ST18: variants seen among roughly 807,000 people sequenced by gnomAD.
ST18 encodes the protein ST18 C2H2C-type zinc finger transcription factor, also known as suppression of tumorigenicity 18 protein.
Under a neutral mutation model 110.0 loss-of-function variants are expected in ST18, and 50 were observed. The observed-to-expected ratio is 0.45, with a 90% CI of 0.36 to 0.58. The LOEUF is 0.58. Among genes scored for constraint, ST18 ranks in the 20% least tolerant of loss-of-function variants. The pLI, the probability that ST18 is intolerant of heterozygous loss-of-function variation, is 0.00. For synonymous variants in ST18, 461 were observed against 452.4 expected, an observed-to-expected ratio of 1.02 and a Z score of -0.24; for missense variants, 1,306 against 1,280.1, an observed-to-expected ratio of 1.02 and a Z score of -0.31.
intron 8 of ST18, among the ~76,000 whole-genome samples, chr8:52,196,080 C>CA (rs1402783989): frequency 3.3e-5 from 5 of 151,914 alleles, no homozygotes; most frequent in African/African-American, 7.3e-5. Context: ...AATATGCTTG[C>CA]AAAAAAATGG....
intron 2 of ST18, among the ~76,000 whole-genome samples, chr8:52,333,784 C>T (rs1189831221): frequency 6.6e-6 from 1 of 152,194 alleles, no homozygotes; most frequent in Non-Finnish European, 1.5e-5. Context: ...AAGTATGGCT[C>T]TCTTGCTACT....
intron 2 of ST18, among the ~76,000 whole-genome samples, chr8:52,351,832 T>C (rs1032529719): frequency 6.6e-6 from 1 of 152,180 alleles, no homozygotes; most frequent in Admixed American, 6.5e-5. Flanking sequence ...CAATGAACAA[T>C]CAGTTAAAAC....
intron 2 of ST18, among the ~76,000 whole-genome samples, chr8:52,262,469 G>A (rs1028192964): frequency 5.9e-5 from 9 of 152,116 alleles, no homozygotes; most frequent in African/African-American, 1.9e-4. Context: ...TTCACAGGAC[G>A]ACCTCCAAAG....
intron 2 of ST18, among the ~76,000 whole-genome samples, chr8:52,242,670 C>T (rs1448132668): frequency 1.3e-5 from 2 of 151,988 alleles, no homozygotes; most frequent in African/African-American, 4.8e-5. Flanking sequence ...TGGCGAAAAC[C>T]CATGGTTTAG....
chr8:52,208,548 T>C lies in ST18; in HGVS notation c.86+3531A>G, dbSNP rs1038387030. ...AACTACTTAAGAAGCAACTTGGGGC[T>C]GGGCGCGGTGGCTCACGCCTGTAAT... On this transcript the variant is annotated intron_variant, in intron 8 of 25. Transcript: ENST00000689386. Among the ~76,000 whole-genome samples the C allele has an allele frequency of 1.8e-4, 28 of 152,354 alleles. No individual in the cohort carries two copies. In the South Asian group the frequency reaches 4.1e-3, roughly 23 times the overall value.
At position 52,142,936 on chromosome 8, in the gene ST18, A is replaced by G. The variant is rs753441359; in HGVS notation, c.2162T>C (p.Leu721Pro). 33 of 1,610,606 alleles carry G rather than the reference A, an allele frequency of 2.0e-5. No individual in the cohort carries two copies. The highest frequency in any genetic ancestry group is 1.6e-4 in the Middle Eastern group (1 of 6,078). ...KLHARDLKKE[L>P]ITCPTPGCDG... ...GGCATTGGGCACCACTTACGTGATTAGTTCCTTTTTGAGATCTCTTGCATG... is the reference window on the plus strand; with the variant it reads ...GGCATTGGGCACCACTTACGTGATTGGTTCCTTTTTGAGATCTCTTGCATG... Residue 721 changes from leucine (L) to proline (P), a missense_variant, in exon 17 of 26, where the codon CTA becomes CCA. By Grantham distance (98) the Leu-to-Pro change is moderately conservative. Coordinates refer to ENST00000689386, the MANE Select transcript of ST18 (RefSeq NM_001352837.2).
intron 2 of ST18, among the ~76,000 whole-genome samples, chr8:52,241,901 C>T (rs1157477468): frequency 3.3e-5 from 5 of 151,438 alleles, no homozygotes; most frequent in Non-Finnish European, 7.4e-5. Flanking sequence ...ATTAGAGGCA[C>T]AAAACTGGGG....
chr8:52,120,163 T>C (rs1015563258), intron 23 of ST18, among the ~76,000 whole-genome samples: 6 of 152,154 alleles, frequency 3.9e-5, no homozygotes, highest in African/African-American at 1.4e-4. Flanking sequence ...AGGGATCTCC[T>C]CTCAGACAAC....
chr8:52,231,972 C>T (rs568309407), intron 2 of ST18, among the ~76,000 whole-genome samples: 1 of 152,234 alleles, frequency 6.6e-6, no homozygotes, highest in South Asian at 2.1e-4. Context: ...TGGTGGGACC[C>T]GAGAATGTGC....
chr8:52,235,910 A>G (rs1440212756), intron 2 of ST18, among the ~76,000 whole-genome samples: 2 of 152,242 alleles, frequency 1.3e-5, no homozygotes, highest in Non-Finnish European at 2.9e-5. Context: ...TGACTGGCAT[A>G]TTAAAAATGT....
intron 2 of ST18, among the ~76,000 whole-genome samples, chr8:52,367,881 C>T (rs1226265689): frequency 6.6e-6 from 1 of 152,146 alleles, no homozygotes; most frequent in African/African-American, 2.4e-5. Context: ...CAAATGACTG[C>T]CTTGTTTTCT....
chr8:52,185,637 A>G (rs557143116), intron 8 of ST18, among the ~76,000 whole-genome samples: 27 of 152,276 alleles, frequency 1.8e-4, no homozygotes, highest in Non-Finnish European at 2.9e-4. Context: ...AGACCCACAC[A>G]TACACGGTCA....
rs557111271 is a variant in ST18, at chr8:52,381,977, A to C, written c.-465+27351T>G. On this transcript the variant is annotated intron_variant, in intron 2 of 25. Coordinates refer to ENST00000689386, the MANE Select transcript of ST18 (RefSeq NM_001352837.2). ...AGCTATATGCTGCATTAAAAAACAAAAAAAAACAAAAAAACAAAGTTACAG... is the reference window on the plus strand; with the variant it reads ...AGCTATATGCTGCATTAAAAAACAACAAAAAACAAAAAAACAAAGTTACAG... 6.5e-3 allele frequency among the ~76,000 whole-genome samples: 975 copies of C among 151,084 alleles called. 20 individuals carry two copies. The highest frequency in any genetic ancestry group is 0.023 in the African/African-American group (922 of 40,728).
In ST18 at chr8:52,132,177, C is replaced by T. The variant is rs2049934416; in HGVS notation, c.2447G>A (p.Cys816Tyr). The T allele has an allele frequency of 6.2e-7, 1 of 1,608,926 alleles. No individual in the cohort carries two copies. Among genetic ancestry groups the T allele is most frequent in the Non-Finnish European group, 8.5e-7 (1 of 1,177,736 alleles). ...TTGGCCATCACACCCTATCACAGGA[C>T]ATCTAGAGAGAAAGCAGAGACATTA... Reference protein sequence around the residue: ...KEEKEDPELKCPVIGCDGQGH... With the variant: ...KEEKEDPELKYPVIGCDGQGH... The change falls in exon 22 of 26, where the codon TGT becomes TAT. Residue 816 changes from cysteine (C) to tyrosine (Y), a missense_variant and splice_region_variant. Cys to Tyr is a radical substitution (Grantham distance 194). Transcript: ENST00000689386.
chr8:52,208,196 T>C (rs1487365983), intron 8 of ST18, among the ~76,000 whole-genome samples: 2 of 152,220 alleles, frequency 1.3e-5, no homozygotes, highest in Non-Finnish European at 2.9e-5. Context: ...TCATTTGTAT[T>C]AGTATTTTCG....
chr8:52,314,803 C>T (rs772114875), intron 2 of ST18, among the ~76,000 whole-genome samples: 4 of 152,190 alleles, frequency 2.6e-5, no homozygotes, highest in African/African-American at 4.8e-5. Flanking sequence ...CTGGTCCTCC[C>T]TCCAGATCCC....
chr8:52,122,096 G>A (rs141855684), intron 23 of ST18, among the ~76,000 whole-genome samples: 1 of 152,218 alleles, frequency 6.6e-6, no homozygotes, highest in East Asian at 1.9e-4. Flanking sequence ...CGCCTTCCTT[G>A]CCTCCCAAAG....
intron 19 of ST18, among the ~76,000 whole-genome samples, chr8:52,135,851 C>T (rs910299015): frequency 3.3e-5 from 5 of 152,036 alleles, no homozygotes; most frequent in Non-Finnish European, 2.9e-5. Context: ...CTGCTGTCTA[C>T]GCATATTGTT....
intron 23 of ST18, among the ~76,000 whole-genome samples, 161 bp from the exon 24 acceptor site, chr8:52,118,602 T>G (rs1378983910): frequency 6.6e-6 from 1 of 152,154 alleles, no homozygotes; most frequent in East Asian, 1.9e-4. Context: ...TAAGAGAAGT[T>G]ACAGATTTAA....
Sources: allele counts gnomAD v4.1 joint callset (sites outside exome capture counted in the v4.1 genomes callset), GRCh38; gene constraint gnomAD v4.1.1; transcripts MANE v1.5; gene names NCBI Gene and HGNC (gene_info 2026-07-23, HGNC 2026-07-21).